The following DMD variants were observed in gnomAD, a reference collection of about 807,000 sequenced individuals.
The protein encoded by DMD is dystrophin.
Under a neutral mutation model 330.1 loss-of-function variants are expected in DMD, and 63 were observed. The ratio of observed to expected loss-of-function variants is 0.19; its 90% CI spans 0.16 to 0.24. DMD has a LOEUF of 0.24. Ranked by LOEUF, DMD falls within the 10% of genes least tolerant of loss-of-function variation. The pLI is 1.00. For missense variants in DMD, 3,344 were observed against 2,684.1 expected (o/e 1.25, Z -5.43); for synonymous variants, 1,223 against 959.8 (o/e 1.27, Z -5.07).
chrX:32,699,451 GC>G (rs2063917147), intron 7 of DMD, among the ~76,000 whole-genome samples, 158 bp from the exon 8 acceptor site: 1 of 111,756 alleles, frequency 8.9e-6, no homozygotes, highest in Non-Finnish European at 1.9e-5. Context: ...TGAGAATGAG[GC>G]CTAAAATGTC....
chrX:32,529,378 A>AATTTTTTTT (rs1569139194), intron 17 of DMD, among the ~76,000 whole-genome samples: 12 of 73,058 alleles, frequency 1.6e-4, no homozygotes, highest in African/African-American at 6.5e-4. Flanking sequence ...GCAAAAATCA[A>AATTTTTTTT]CTTTTTTTTT....
chrX:32,459,632 C>T (rs1489273088), intron 25 of DMD, among the ~76,000 whole-genome samples: 1 of 110,714 alleles, frequency 9.0e-6, no homozygotes, highest in Non-Finnish European at 1.9e-5. Context: ...CTCTTAGTAC[C>T]CACTCTTTCT....
upstream of DMD, among the ~76,000 whole-genome samples, chrX:33,214,526 T>C (rs1422115843): frequency 8.9e-6 from 1 of 112,000 alleles, no homozygotes; most frequent in Non-Finnish European, 1.9e-5. Context: ...CAGTGCTTTG[T>C]GTTGTGATTA....
At chrX:31,875,131 T>C (rs991224431) in intron 48 of DMD, 57 bp downstream of exon 48, 3 of 976,043 alleles carry the variant, frequency 3.1e-6, no homozygotes, top group Non-Finnish European at 2.8e-6. Context: ...GAAAATTCAG[T>C]GATATTGCCA....
At chrX:32,213,778 A>C (rs192293487) in intron 44 of DMD, among the ~76,000 whole-genome samples, 226 of 105,646 alleles carry the variant, frequency 2.1e-3, no homozygotes, top group African/African-American at 7.3e-3. Flanking sequence ...GATCTAGACC[A>C]GCCTGACCAA....
chrX:32,086,444 T>C (rs2084710471), intron 44 of DMD, among the ~76,000 whole-genome samples: 1 of 111,801 alleles, frequency 8.9e-6, no homozygotes, highest in Admixed American at 9.6e-5. Context: ...ATGGATTGTA[T>C]GGCCTGTCTG....
At chrX:31,734,000 C>T (rs1287276944) in intron 51 of DMD, among the ~76,000 whole-genome samples, 1 of 111,113 alleles carries the variant, frequency 9.0e-6, no homozygotes, top group Non-Finnish European at 1.9e-5. Context: ...TGCAGTTAGC[C>T]TTTTTTGTTC....
chrX:31,276,132 C>T (rs1230501643), intron 62 of DMD, among the ~76,000 whole-genome samples: 1 of 112,262 alleles, frequency 8.9e-6, no homozygotes, highest in Non-Finnish European at 1.9e-5. Flanking sequence ...TCTCGGCTCA[C>T]TGCAAACTCT....
intron 2 of DMD, among the ~76,000 whole-genome samples, chrX:33,012,565 C>T (rs1433177567): frequency 9.0e-6 from 1 of 111,331 alleles, no homozygotes; most frequent in Non-Finnish European, 1.9e-5. Context: ...AAACAGTTCT[C>T]GACTTAAGAT....
chrX:31,196,819 C>CAAAAAAAAAAA (rs59602681), intron 67 of DMD, among the ~76,000 whole-genome samples: 1 of 24,695 alleles, frequency 4.0e-5, no homozygotes, highest in Non-Finnish European at 6.3e-5. Flanking sequence ...GACTCTGTCT[C>CAAAAAAAAAAA]AAAAAAAAAA....
intron 55 of DMD, among the ~76,000 whole-genome samples, chrX:31,523,303 C>T (rs973373603): frequency 1.3e-4 from 14 of 110,729 alleles, no homozygotes; most frequent in Non-Finnish European, 1.1e-4. Flanking sequence ...ACACAAAATA[C>T]GACCTATTAC....
chrX:31,556,428 C>T (rs944544497), intron 55 of DMD, among the ~76,000 whole-genome samples: 1 of 104,874 alleles, frequency 9.5e-6, no homozygotes, highest in East Asian at 2.9e-4. Flanking sequence ...GGAAAAACAC[C>T]TCGGAGTTGA....
chrX:31,255,820 G>A (rs1453949255), intron 63 of DMD, among the ~76,000 whole-genome samples: 3 of 97,879 alleles, frequency 3.1e-5, no homozygotes. Flanking sequence ...TTGTTGCCCA[G>A]GAGGGAGTGC....
chrX:31,592,220 G>A (rs953877369), intron 55 of DMD, among the ~76,000 whole-genome samples: 8 of 108,421 alleles, frequency 7.4e-5, no homozygotes, highest in Admixed American at 2.0e-4. Flanking sequence ...GTTTCTCAAT[G>A]AGATGGTATT....
intron 12 of DMD, among the ~76,000 whole-genome samples, chrX:32,611,126 C>T (rs778448839): frequency 2.7e-5 from 3 of 110,290 alleles, no homozygotes; most frequent in African/African-American, 9.9e-5. Flanking sequence ...ACCTTCTTCT[C>T]GCCAAAATTG....
At chrX:31,766,902 T>TGTGTGTGTGTGTGTGTGTG (rs58442587) in intron 51 of DMD, among the ~76,000 whole-genome samples, 1 of 110,308 alleles carries the variant, frequency 9.1e-6, no homozygotes, top group Admixed American at 9.7e-5. Context: ...TGTGTGTGTG[T>TGTGTGTGTGTGTGTGTGTG]TTGCAACTCT....
chrX:31,600,510 G>A (rs991186510), intron 55 of DMD, among the ~76,000 whole-genome samples: 1 of 50,489 alleles, frequency 2.0e-5, no homozygotes, highest in Non-Finnish European at 3.6e-5. Flanking sequence ...GCCAACTATG[G>A]TTTTTTTTTT....
Position 32,079,675 on chromosome X carries a change from A to T in DMD, c.6439-111161T>A, listed in dbSNP as rs142766646. On this transcript the variant is annotated intron_variant, in intron 44 of 78. Transcript: ENST00000357033. ...GAGGGAGGGGAAAAAAAAAGAAAAA[A>T]ATGTCCTAGATATTCTGAACCAAAG... Among the ~76,000 whole-genome samples, 87 of 111,665 alleles carry T rather than the reference A, an allele frequency of 7.8e-4. No individual in the cohort carries two copies. The East Asian group carries it at 0.022, about 28-fold the overall frequency.
At chrX:33,047,917 G>A (rs1375947909) in intron 1 of DMD, among the ~76,000 whole-genome samples, 1 of 111,441 alleles carries the variant, frequency 9.0e-6, no homozygotes, top group African/African-American at 3.3e-5. Context: ...AGCGATGTAG[G>A]GATTAGTTTT....
Sources: gnomAD v4.1 joint callset for allele counts (sites outside exome capture counted in the v4.1 genomes callset) on GRCh38, gnomAD v4.1.1 for gene constraint, MANE v1.5 for transcripts, NCBI Gene and HGNC (gene_info 2026-07-23, HGNC 2026-07-21) for gene names.